The following SF3B1 variants were observed in gnomAD, a reference collection of about 807,000 sequenced individuals.
SF3B1 encodes splicing factor 3b subunit 1, also known as pre-mRNA processing 10.
SF3B1 carries 12 observed loss-of-function variants against 153.8 expected under a neutral mutation model. That is an observed-to-expected ratio of 0.08 (90% CI 0.05 to 0.13). The LOEUF (loss-of-function observed/expected upper bound fraction) is 0.13, where lower values mean the gene tolerates loss of function less well. SF3B1 is among the 10% of genes least tolerant of loss of function. The pLI, the probability that SF3B1 is intolerant of heterozygous loss-of-function variation, is 1.00. For synonymous variants in SF3B1, 498 were observed against 525.2 expected, an observed-to-expected ratio of 0.95 and a Z score of 0.71; for missense variants, 513 against 1,606.1, an observed-to-expected ratio of 0.32 and a Z score of 11.63.
At chr2:197,403,897 C>T in intron 11 of SF3B1, 133 bp from the exon 12 acceptor site, 1 of 620,114 alleles carries the variant, frequency 1.6e-6, no homozygotes, top group East Asian at 3.3e-5. Context: ...ACATAGACAG[C>T]ATGAGTTCAT....
Position 197,392,573 on chromosome 2 carries a change from G to GGA in SF3B1, c.3757-113_3757-112insTC, listed in dbSNP as rs1553563316. On this transcript the variant is annotated intron_variant, in intron 24 of 24. Transcript: ENST00000335508. ...AAAATTATTTCCCTTGGGGAGTTGG[G>GGA]GGGGGGGGAACCTACTAATTACACT... 8 of 355,830 alleles carry GGA rather than the reference G, an allele frequency of 2.2e-5. 2 individuals are homozygous for GGA. The highest frequency in any genetic ancestry group is 6.9e-5 in the African/African-American group (3 of 43,496). 22.0% of individuals were successfully genotyped at this position (355,830 alleles called of 1,614,324 possible). A position where few individuals can be genotyped will look rare whatever the true frequency, so the allele number is the denominator to read the frequency against.
Position 197,396,989 on chromosome 2 carries a change from A to G in SF3B1, c.3267-661T>C, listed in dbSNP as rs560136096. On this transcript the variant is annotated intron_variant, in intron 22 of 24. Transcript: ENST00000335508. ...TATAATTCTACCTAATTAATCAGAC[A>G]TTCACATGTCATATTCCTTGAAAAC... Among the ~76,000 whole-genome samples, 3 of 152,358 alleles carry G rather than the reference A, an allele frequency of 2.0e-5. No homozygotes were observed. The East Asian group carries it at 5.8e-4, about 29-fold the overall frequency.
intron 6 of SF3B1, 86 bp downstream of exon 6, chr2:197,416,655 T>C: frequency 8.4e-7 from 1 of 1,196,024 alleles, no homozygotes; most frequent in Non-Finnish European, 1.2e-6. Flanking sequence ...CTGTGGTATC[T>C]TGCTATGGCA....
rs530677287 is a variant in SF3B1 at position 197,428,459 on chromosome 2, T to G, written c.29-4485A>C. 4.8e-4 allele frequency among the ~76,000 whole-genome samples: 73 copies of G among 152,336 alleles called. 1 individual carries two copies. On this transcript the variant is annotated intron_variant, in intron 1 of 24. Coordinates refer to ENST00000335508, the MANE Select transcript of SF3B1 (RefSeq NM_012433.4). ...AATTTTTTATCTCTGGGAATAACAATGTTGTCTCTAACTCCGTATTTTCAA... is the reference window on the plus strand; with the variant it reads ...AATTTTTTATCTCTGGGAATAACAAGGTTGTCTCTAACTCCGTATTTTCAA...
intron 2 of SF3B1, among the ~76,000 whole-genome samples, chr2:197,422,360 A>C (rs1204292249): frequency 1.3e-5 from 2 of 151,882 alleles, no homozygotes; most frequent in Non-Finnish European, 2.9e-5. Context: ...GAACAATAAG[A>C]ACACCTGGAC....
chr2:197,405,502 TTTC>T (rs755652653), intron 9 of SF3B1, 30 bp from the exon 10 acceptor site: 3 of 1,483,812 alleles, frequency 2.0e-6, no homozygotes, highest in Non-Finnish European at 2.8e-6. Context: ...AGTTTAGGAT[TTTC>T]TTAACTTAAA....
At chr2:197,399,149 T>C (rs1248209159) in intron 20 of SF3B1, 2 of 1,202,608 alleles carry the variant, frequency 1.7e-6, no homozygotes, top group Non-Finnish European at 2.1e-6. Flanking sequence ...ACAAACAATA[T>C]GGTTTAAAAC....
Position 197,431,369 on chromosome 2 carries a change from C to T in SF3B1, c.28+3603G>A, listed in dbSNP as rs78472052. Reference sequence around the variant, plus strand: ...TCCTAACCTTGGGTGATCTGCCCACCTCAGCCTCCCAAAGTGCTGGGATTA... The same window carrying T: ...TCCTAACCTTGGGTGATCTGCCCACTTCAGCCTCCCAAAGTGCTGGGATTA... On this transcript the variant is annotated intron_variant, in intron 1 of 24. Coordinates refer to ENST00000335508, the MANE Select transcript of SF3B1 (RefSeq NM_012433.4). 4.9e-4 allele frequency among the ~76,000 whole-genome samples: 74 copies of T among 152,174 alleles called. 1 individual carries two copies. The highest frequency in any genetic ancestry group is 1.7e-3 in the African/African-American group (72 of 41,528).
rs2085154416 is a variant in SF3B1 at position 197,416,773 on chromosome 2, G to A, written c.634C>T (p.Pro212Ser). 1.2e-6 allele frequency: 2 copies of A among 1,612,290 alleles called. No homozygotes were observed. Residue 212 changes from proline to serine, a missense_variant, in exon 6 of 25, where the codon CCC (proline) becomes TCC (serine). Pro to Ser is a moderately conservative substitution (Grantham distance 74). Around this residue, in one of 21 missense-constraint regions of SF3B1, gnomAD observed 17 missense variants for 16.3 expected, o/e 1.05. Coordinates refer to ENST00000335508, the MANE Select transcript of SF3B1 (RefSeq NM_012433.4). ...QTADQTPGATPKKLSSWDQAE... is the reference protein window; with the variant it reads ...QTADQTPGATSKKLSSWDQAE... ...TGATCCCAACTTGATAGTTTTTTGG[G>A]AGTGGCACCAGGAGTCTGATCAGCT...
intron 4 of SF3B1, 151 bp from the exon 5 acceptor site, chr2:197,418,739 CTTTTTAT>C (rs1417336927): frequency 1.7e-5 from 24 of 1,451,836 alleles, no homozygotes; most frequent in Middle Eastern, 1.8e-4. Flanking sequence ...ATACATCTTA[CTTTTTAT>C]TGAGTTTGCT....
Position 197,405,194 on chromosome 2 carries a change from A to T in SF3B1, c.1438-17T>A. ...AACATCAACCTATAGTAAAAAGAAA[A>T]AAATGTTAAGGGAAGTTGAAATGTT... On this transcript the variant is annotated splice_polypyrimidine_tract_variant and intron_variant, in intron 10 of 24. Transcript: ENST00000335508. 1 of 1,603,334 alleles carries T rather than the reference A, an allele frequency of 6.2e-7. No individual in the cohort carries two copies. Among genetic ancestry groups the T allele is most frequent in the East Asian group, 2.2e-5 (1 of 44,774 alleles).
At position 197,401,537 on chromosome 2, in the gene SF3B1, A is replaced by G. The variant is rs181478379; in HGVS notation, c.2371-12T>C. ...CACTGTTTTACCACCTAAAAGGTTA[A>G]GAAATAGTAATAATAAATCAACTGA... On this transcript the variant is annotated splice_polypyrimidine_tract_variant and intron_variant, in intron 16 of 24. Coordinates refer to ENST00000335508, the MANE Select transcript of SF3B1 (RefSeq NM_012433.4). The surrounding 1 kb of genome is among the most constrained non-coding windows in gnomAD (Gnocchi z 4.2). 3 of 1,605,334 alleles carry G rather than the reference A, an allele frequency of 1.9e-6. No homozygotes were observed. The highest frequency in any genetic ancestry group is 1.7e-6 in the Non-Finnish European group (2 of 1,175,782).
chr2:197,405,600 A>G (rs1038629126), intron 9 of SF3B1, 128 bp from the exon 10 acceptor site: 3 of 657,278 alleles, frequency 4.6e-6, no homozygotes, highest in Admixed American at 2.9e-5. Flanking sequence ...GACAACATCT[A>G]TCTTGCTTTT....
Position 197,391,977 on chromosome 2 carries a change from G to A in SF3B1, c.*326C>T, listed in dbSNP as rs2084814284. Reference sequence around the variant, plus strand: ...ATGTTCAAAAAACACACACAAATTAGCATTTTGTACACAAATGTTTATTTC... The same window carrying A: ...ATGTTCAAAAAACACACACAAATTAACATTTTGTACACAAATGTTTATTTC... On this transcript the variant is annotated 3_prime_UTR_variant, in exon 25 of 25. Transcript: ENST00000335508. 4.7e-6 allele frequency: 1 copy of A among 214,678 alleles called. No individual in the cohort carries two copies. The highest frequency in any genetic ancestry group is 9.4e-6 in the Non-Finnish European group (1 of 106,744). The allele number at this position is 214,678 out of a possible 1,614,324, so 13.3% of individuals were successfully genotyped here.
intron 7 of SF3B1, among the ~76,000 whole-genome samples, chr2:197,409,539 A>G (rs2085038815): frequency 6.6e-6 from 1 of 152,128 alleles, no homozygotes; most frequent in Non-Finnish European, 1.5e-5. Flanking sequence ...AACACACAAA[A>G]TCAAAGGTTA....
chr2:197,414,013 G>A (rs78414813), intron 6 of SF3B1, among the ~76,000 whole-genome samples: 3,470 of 152,048 alleles, frequency 0.023, 123 homozygotes, highest in African/African-American at 0.081. Flanking sequence ...TCACCATGTT[G>A]GCCAAGCTGG....
At chr2:197,432,624 C>A (rs1291515815) in intron 1 of SF3B1, among the ~76,000 whole-genome samples, 2 of 152,192 alleles carry the variant, frequency 1.3e-5, no homozygotes, top group African/African-American at 4.8e-5. Flanking sequence ...AATCCCAGCA[C>A]TTTGGGAGGC....
chr2:197,432,072 T>A (rs1337184244), intron 1 of SF3B1, among the ~76,000 whole-genome samples: 1 of 152,170 alleles, frequency 6.6e-6, no homozygotes, highest in Non-Finnish European at 1.5e-5. Flanking sequence ...TTAAGTGAGC[T>A]ATGATCACGC....
chr2:197,392,765 G>C (rs983642909), intron 24 of SF3B1, among the ~76,000 whole-genome samples: 1 of 151,932 alleles, frequency 6.6e-6, no homozygotes, highest in Non-Finnish European at 1.5e-5. Context: ...TACAGGCAGT[G>C]GGGGGAAAGG....
Sources: gnomAD v4.1 joint callset for allele counts (sites outside exome capture counted in the v4.1 genomes callset) on GRCh38, gnomAD v4.1.1 for gene constraint, gnomAD v4.1.1 regional missense constraint, Gnocchi (gnomAD v3.1) non-coding constraint, MANE v1.5 for transcripts, NCBI Gene and HGNC (gene_info 2026-07-23, HGNC 2026-07-21) for gene names.